The following STK39 variants were observed in gnomAD, a reference collection of about 807,000 sequenced individuals.
The protein encoded by STK39 is STE20/SPS1-related proline-alanine-rich protein kinase.
A neutral mutation model predicts 77.8 loss-of-function variants in STK39; 20 were observed. The ratio of observed to expected loss-of-function variants is 0.26; its 90% CI spans 0.18 to 0.37. STK39 has a LOEUF of 0.37. Ranked by LOEUF, STK39 falls within the 10% of genes least tolerant of loss-of-function variation. The pLI, the probability that STK39 is intolerant of heterozygous loss-of-function variation, is 1.00. For missense variants in STK39, 479 were observed against 656.5 expected, an observed-to-expected ratio of 0.73 and a Z score of 2.95; for synonymous variants, 246 against 234.1, an observed-to-expected ratio of 1.05 and a Z score of -0.47.
chr2:168,223,743 C>T (rs1239615444), intron 1 of STK39, among the ~76,000 whole-genome samples: 4 of 151,990 alleles, frequency 2.6e-5, no homozygotes, highest in African/African-American at 4.8e-5. Context: ...CACCAACCCT[C>T]GCAGGAATGA....
intron 14 of STK39, among the ~76,000 whole-genome samples, chr2:168,038,799 G>T (rs1303904880): frequency 6.6e-6 from 1 of 152,066 alleles, no homozygotes; most frequent in African/African-American, 2.4e-5. Context: ...CATGAGAAAG[G>T]TTCAATGTCA....
chr2:168,235,274 G>A (rs191117103), intron 1 of STK39, among the ~76,000 whole-genome samples: 1 of 151,990 alleles, frequency 6.6e-6, no homozygotes, highest in African/African-American at 2.4e-5. Flanking sequence ...TCCTGACCTT[G>A]GGATCTGCCT....
intron 5 of STK39, among the ~76,000 whole-genome samples, chr2:168,144,962 CAG>C (rs71877667): frequency 0.23 from 32,668 of 142,904 alleles, 4,720 homozygotes; most frequent in East Asian, 0.45. Context: ...GTCTAGGCAA[CAG>C]AGTGAGCCCG....
intron 1 of STK39, among the ~76,000 whole-genome samples, chr2:168,211,342 A>AT (rs1689885485): frequency 6.6e-6 from 1 of 151,722 alleles, no homozygotes; most frequent in Non-Finnish European, 1.5e-5. Context: ...TTTCAAACAC[A>AT]TGAGTCAAGA....
chr2:167,991,169 A>T lies in STK39; in HGVS notation c.1498+21465T>A, dbSNP rs187433423. ...ACAAAAATGTTGTAATGGCCAACCA[A>T]GTCACTATTGAAAGCACACATGTGC... is the stretch of plus-strand genomic sequence containing the variant. On this transcript the variant is annotated intron_variant, in intron 16 of 17. Coordinates refer to ENST00000355999, the MANE Select transcript of STK39 (RefSeq NM_013233.3). Among the ~76,000 whole-genome samples, 30 of 152,352 alleles carry T rather than the reference A, an allele frequency of 2.0e-4. No individual in the cohort carries two copies. In the East Asian group the frequency reaches 2.7e-3, roughly 14 times the overall value.
chr2:168,178,388 A>G (rs1313084905), intron 2 of STK39, among the ~76,000 whole-genome samples: 1 of 152,178 alleles, frequency 6.6e-6, no homozygotes, highest in Non-Finnish European at 1.5e-5. Flanking sequence ...ATAAATAAAA[A>G]AGGATTAGAT....
chr2:167,964,415 T>C, intron 17 of STK39: 1 of 417,628 alleles, frequency 2.4e-6, no homozygotes, highest in South Asian at 3.4e-5. Flanking sequence ...AAGATTCTTA[T>C]ATGGCCGCTC....
At chr2:167,986,313 G>T (rs1352730686) in intron 16 of STK39, among the ~76,000 whole-genome samples, 1 of 152,160 alleles carries the variant, frequency 6.6e-6, no homozygotes, top group Non-Finnish European at 1.5e-5. Context: ...GACTAGAGGG[G>T]AATTAAATCA....
chr2:168,244,183 C>T (rs1690841484), intron 1 of STK39, among the ~76,000 whole-genome samples: 2 of 152,148 alleles, frequency 1.3e-5, no homozygotes, highest in South Asian at 2.1e-4. Context: ...TCTCCACTGA[C>T]GTTTTAAAAC....
intron 10 of STK39, among the ~76,000 whole-genome samples, chr2:168,104,670 T>C (rs961165658): frequency 2.6e-5 from 4 of 152,204 alleles, no homozygotes; most frequent in African/African-American, 7.2e-5. Context: ...GGCTTCATTG[T>C]AGCTGAAGCT....
chr2:168,087,038 G>A (rs1686385940), intron 10 of STK39, among the ~76,000 whole-genome samples: 1 of 152,210 alleles, frequency 6.6e-6, no homozygotes, highest in South Asian at 2.1e-4. Context: ...AAGCTGATCT[G>A]TAACTTTAGC....
At chr2:168,093,971 T>C (rs1343838093) in intron 10 of STK39, among the ~76,000 whole-genome samples, 2 of 152,224 alleles carry the variant, frequency 1.3e-5, no homozygotes, top group Admixed American at 6.5e-5. Context: ...TTGCAAGTAC[T>C]TGCCCATGCT....
intron 10 of STK39, among the ~76,000 whole-genome samples, chr2:168,098,721 C>A (rs1288852865): frequency 6.6e-6 from 1 of 152,092 alleles, no homozygotes; most frequent in African/African-American, 2.4e-5. Context: ...CTAACATTGC[C>A]TTTAAGTCAA....
chr2:168,023,077 G>A (rs1684608795), intron 14 of STK39, among the ~76,000 whole-genome samples: 1 of 151,970 alleles, frequency 6.6e-6, no homozygotes, highest in South Asian at 2.1e-4. Context: ...CCCATACCTG[G>A]CTAATTTTTT....
At chr2:168,100,724 T>C (rs1471852464) in intron 10 of STK39, among the ~76,000 whole-genome samples, 1 of 152,146 alleles carries the variant, frequency 6.6e-6, no homozygotes. Flanking sequence ...CTGGAGAGGA[T>C]GTGGAGAAGT....
At chr2:168,239,845 G>C (rs1442823189) in intron 1 of STK39, among the ~76,000 whole-genome samples, 2 of 152,222 alleles carry the variant, frequency 1.3e-5, no homozygotes, top group Non-Finnish European at 2.9e-5. Flanking sequence ...AGACCCAACA[G>C]AGCCTGAAGG....
At chr2:168,109,526 A>G (rs1559101468) in intron 10 of STK39, among the ~76,000 whole-genome samples, 1 of 152,166 alleles carries the variant, frequency 6.6e-6, no homozygotes, top group Non-Finnish European at 1.5e-5. Context: ...AATTATTGCA[A>G]ACATCTGCTG....
At chr2:167,989,735 C>A (rs1683650143) in intron 16 of STK39, among the ~76,000 whole-genome samples, 1 of 151,982 alleles carries the variant, frequency 6.6e-6, no homozygotes, top group Non-Finnish European at 1.5e-5. Context: ...ATCACTTAGT[C>A]CAATTAAGTG....
chr2:168,163,989 T>A, intron 3 of STK39, 109 bp from the exon 4 acceptor site: 1 of 1,409,714 alleles, frequency 7.1e-7, no homozygotes, highest in Non-Finnish European at 9.4e-7. Context: ...TGGGCTTTAT[T>A]TAATGCAAAT....
Sources: gnomAD v4.1 joint callset for allele counts (sites outside exome capture counted in the v4.1 genomes callset) on GRCh38, gnomAD v4.1.1 for gene constraint, MANE v1.5 for transcripts, NCBI Gene and HGNC (gene_info 2026-07-23, HGNC 2026-07-21) for gene names.